STPG2: variants seen among roughly 807,000 people sequenced by gnomAD.
STPG2 encodes sperm-tail PG-rich repeat-containing protein 2.
STPG2 carries 56 observed loss-of-function variants against 54.2 expected under a neutral mutation model. That is an observed-to-expected ratio of 1.03 (90% CI 0.83 to 1.29). The LOEUF (loss-of-function observed/expected upper bound fraction) is 1.29, where lower values mean the gene tolerates loss of function less well. Among genes scored for constraint, STPG2 ranks in the 50% most tolerant of loss-of-function variants. STPG2 has a pLI of 0.00. For missense variants in STPG2, 596 were observed against 544.9 expected, an observed-to-expected ratio of 1.09 and a Z score of -0.93; for synonymous variants, 200 against 181.8, an observed-to-expected ratio of 1.10 and a Z score of -0.81.
At chr4:97,850,088 G>T (rs1240902516) in intron 8 of STPG2, among the ~76,000 whole-genome samples, 1 of 151,204 alleles carries the variant, frequency 6.6e-6, no homozygotes, top group Non-Finnish European at 1.5e-5. Flanking sequence ...ATACTATGCA[G>T]CCATAAAAAA....
intron 5 of STPG2, among the ~76,000 whole-genome samples, chr4:98,029,963 T>C (rs904198869): frequency 1.3e-5 from 2 of 152,136 alleles, no homozygotes; most frequent in South Asian, 4.1e-4. Context: ...TTTTTCATGG[T>C]AGATGGTGGA....
At chr4:98,009,391 C>T (rs1735670313) in intron 5 of STPG2, among the ~76,000 whole-genome samples, 1 of 146,066 alleles carries the variant, frequency 6.8e-6, no homozygotes, top group Admixed American at 6.7e-5. Context: ...GTGAATTTTC[C>T]AGTTTTCCTC....
chr4:97,691,805 C>T (rs561225384), intron 10 of STPG2, among the ~76,000 whole-genome samples: 5 of 152,276 alleles, frequency 3.3e-5, no homozygotes, highest in Non-Finnish European at 7.4e-5. Flanking sequence ...TTCCTGGCTA[C>T]CTCCACCGGG....
At chr4:97,820,087 TA>T (rs1728036639) in intron 9 of STPG2, among the ~76,000 whole-genome samples, 1 of 152,190 alleles carries the variant, frequency 6.6e-6, no homozygotes, top group Non-Finnish European at 1.5e-5. Context: ...CACATTTTGG[TA>T]ATTTTCTCAA....
At chr4:97,632,870 A>T (rs181012192) in intron 10 of STPG2, among the ~76,000 whole-genome samples, 1 of 152,306 alleles carries the variant, frequency 6.6e-6, no homozygotes, top group Non-Finnish European at 1.5e-5. Flanking sequence ...ACATGACCTC[A>T]GACATTATCA....
chr4:97,704,625 T>C (rs189820092), intron 10 of STPG2, among the ~76,000 whole-genome samples: 8 of 152,326 alleles, frequency 5.3e-5, no homozygotes, highest in Admixed American at 5.2e-4. Context: ...AAACATTCAC[T>C]TTGGGGTATT....
At chr4:97,952,024 C>T (rs903128062) in intron 7 of STPG2, among the ~76,000 whole-genome samples, 3 of 152,098 alleles carry the variant, frequency 2.0e-5, no homozygotes, top group Non-Finnish European at 2.9e-5. Context: ...ATCCACATTC[C>T]AGACACACTC....
At chr4:97,613,323 T>C (rs977714708) in intron 10 of STPG2, among the ~76,000 whole-genome samples, 2 of 152,036 alleles carry the variant, frequency 1.3e-5, no homozygotes. Context: ...CAGTGTGTGA[T>C]TGCGTGATTG....
intron 10 of STPG2, among the ~76,000 whole-genome samples, chr4:97,637,554 T>C (rs1322028654): frequency 1.3e-5 from 2 of 152,156 alleles, no homozygotes; most frequent in Non-Finnish European, 2.9e-5. Context: ...AGTCAAATTG[T>C]CCCTGTTTGC....
At chr4:97,908,258 G>A (rs1174659938) in intron 8 of STPG2, among the ~76,000 whole-genome samples, 1 of 152,030 alleles carries the variant, frequency 6.6e-6, no homozygotes. Context: ...AAAAACACAT[G>A]AAAAAATGCT....
chr4:97,526,038 A>G (rs2148849786), intron 4 of STPG2, among the ~76,000 whole-genome samples: 1 of 152,228 alleles, frequency 6.6e-6, no homozygotes, highest in Middle Eastern at 3.4e-3. Flanking sequence ...ATTACCTTAA[A>G]TAATTTTTAA....
intron 10 of STPG2, among the ~76,000 whole-genome samples, chr4:97,560,425 G>A (rs1237160007): frequency 1.3e-5 from 2 of 152,080 alleles, no homozygotes; most frequent in Non-Finnish European, 2.9e-5. Flanking sequence ...TGAAGAACAT[G>A]ACTGTTTAAT....
At chr4:97,833,799 A>G (rs1394474423) in intron 9 of STPG2, among the ~76,000 whole-genome samples, 1 of 152,194 alleles carries the variant, frequency 6.6e-6, no homozygotes, top group African/African-American at 2.4e-5. Flanking sequence ...GCAAATCAAA[A>G]CCACAATGAG....
At chr4:97,949,957 C>A (rs1472799976) in intron 7 of STPG2, among the ~76,000 whole-genome samples, 1 of 152,096 alleles carries the variant, frequency 6.6e-6, no homozygotes, top group Non-Finnish European at 1.5e-5. Context: ...TCTAAATCAC[C>A]AGCAAGGCCA....
chr4:97,945,153 T>C (rs575808904), intron 7 of STPG2, among the ~76,000 whole-genome samples: 36 of 152,214 alleles, frequency 2.4e-4, no homozygotes, highest in Middle Eastern at 3.4e-3. Context: ...AGTGCACCCA[T>C]CACCCACGTA....
chr4:97,923,294 C>A (rs1407673263), intron 8 of STPG2, among the ~76,000 whole-genome samples: 2 of 94,608 alleles, frequency 2.1e-5, no homozygotes, highest in East Asian at 3.1e-4. Flanking sequence ...CGCAGCGCTT[C>A]CCCTCCCACC....
intron 4 of STPG2, among the ~76,000 whole-genome samples, chr4:97,500,205 G>C (rs1266752500): frequency 6.6e-6 from 1 of 151,996 alleles, no homozygotes; most frequent in Non-Finnish European, 1.5e-5. Context: ...GGAAAGTAGA[G>C]CAAATAGGAT....
chr4:97,475,377 C>T (rs1730044802), intron 4 of STPG2, among the ~76,000 whole-genome samples: 1 of 151,186 alleles, frequency 6.6e-6, no homozygotes. Flanking sequence ...ATGACTTTTT[C>T]TTAGAAATCT....
chr4:97,896,600 C>A (rs1246615147), intron 8 of STPG2, among the ~76,000 whole-genome samples: 1 of 151,754 alleles, frequency 6.6e-6, no homozygotes, highest in Non-Finnish European at 1.5e-5. Flanking sequence ...AATTTAAATA[C>A]ACCCATCACT....
Sources: allele counts gnomAD v4.1 joint callset (sites outside exome capture counted in the v4.1 genomes callset), GRCh38; gene constraint gnomAD v4.1.1; transcripts MANE v1.5; gene names NCBI Gene and HGNC (gene_info 2026-07-23, HGNC 2026-07-21).